Variants in PDZRN3 observed in about 807,000 individuals in gnomAD.
The protein encoded by PDZRN3 is PDZ domain containing ring finger 3.
In PDZRN3, 38 loss-of-function variants were observed where a neutral mutation model predicts 85.7. The ratio of observed to expected loss-of-function variants is 0.44; its 90% CI spans 0.34 to 0.58. The LOEUF (loss-of-function observed/expected upper bound fraction) is 0.58. Among genes scored for constraint, PDZRN3 ranks in the 20% least tolerant of loss-of-function variants. PDZRN3 has a pLI of 0.01. For synonymous variants in PDZRN3, 759 were observed against 638.0 expected, an observed-to-expected ratio of 1.19 and a Z score of -2.86; for missense variants, 1,629 against 1,506.4, an observed-to-expected ratio of 1.08 and a Z score of -1.35.
chr3:73,552,130 C>T (rs920412020), intron 3 of PDZRN3, among the ~76,000 whole-genome samples: 1 of 152,138 alleles, frequency 6.6e-6, no homozygotes, highest in Non-Finnish European at 1.5e-5. Context: ...CACTCCTTCC[C>T]ACGTCCTCGT....
At chr3:73,581,450 C>T (rs978351440) in intron 3 of PDZRN3, among the ~76,000 whole-genome samples, 1 of 152,036 alleles carries the variant, frequency 6.6e-6, no homozygotes, top group African/African-American at 2.4e-5. Flanking sequence ...TTTAAGATTT[C>T]TGATTATAAA....
At chr3:73,563,322 ACT>A (rs1352032738) in intron 3 of PDZRN3, among the ~76,000 whole-genome samples, 1 of 151,792 alleles carries the variant, frequency 6.6e-6, no homozygotes, top group African/African-American at 2.4e-5. Flanking sequence ...GGTGTGAGCC[ACT>A]GTGCCCAGCC....
intron 3 of PDZRN3, among the ~76,000 whole-genome samples, chr3:73,507,743 T>C (rs1328685011): frequency 6.6e-6 from 1 of 151,942 alleles, no homozygotes; most frequent in Non-Finnish European, 1.5e-5. Flanking sequence ...TAAAACTGCA[T>C]ACTAAAGGAA....
At chr3:73,616,557 T>C (rs779632146) in intron 1 of PDZRN3, among the ~76,000 whole-genome samples, 3 of 152,206 alleles carry the variant, frequency 2.0e-5, no homozygotes, top group East Asian at 3.8e-4. Flanking sequence ...AGACAGAGGA[T>C]AGAAATCCAG....
chr3:73,623,728 G>C (rs376635323), intron 1 of PDZRN3: 1 of 182,620 alleles, frequency 5.5e-6, no homozygotes, highest in Non-Finnish European at 1.1e-5. Context: ...GACCTCTAGA[G>C]GGTAAGCAAC....
Position 73,385,662 on chromosome 3 carries a change from G to A in PDZRN3, c.1635+7C>T, listed in dbSNP as rs777502984. On this transcript the variant is annotated splice_region_variant and intron_variant, in intron 9 of 9. Coordinates refer to ENST00000263666, the MANE Select transcript of PDZRN3 (RefSeq NM_015009.3). ...CAGAGTGTCAGGGACTGGTGCGTGG[G>A]CGTTACCTGCTGCAGCACGCTAGCT... 2 of 1,552,756 alleles carry A rather than the reference G, an allele frequency of 1.3e-6. 1 individual carries two copies. Among genetic ancestry groups the A allele is most frequent in the South Asian group, 2.2e-5 (2 of 89,874 alleles).
At chr3:73,591,460 G>C (rs917050615) in intron 3 of PDZRN3, among the ~76,000 whole-genome samples, 2 of 151,984 alleles carry the variant, frequency 1.3e-5, no homozygotes, top group Non-Finnish European at 2.9e-5. Flanking sequence ...AGATACAAAG[G>C]CTCACTAATA....
At chr3:73,551,312 C>A (rs1701549163) in intron 3 of PDZRN3, among the ~76,000 whole-genome samples, 1 of 152,142 alleles carries the variant, frequency 6.6e-6, no homozygotes, top group South Asian at 2.1e-4. Flanking sequence ...CAAGAAAAGT[C>A]AATGTAGCAA....
rs539703057 is a variant in PDZRN3, at chr3:73,518,931, TG to T, written c.918+83422del. ...ACAAATATCCAGCCCATAGCACCTA[TG>T]TAGTGAGGTTCCCTGAGGAGACAAG... On this transcript the variant is annotated intron_variant, in intron 3 of 9. Coordinates refer to ENST00000263666, the MANE Select transcript of PDZRN3 (RefSeq NM_015009.3). Among the ~76,000 whole-genome samples the T allele has an allele frequency of 1.8e-4, 27 of 152,288 alleles. 1 individual carries two copies. The East Asian group carries it at 5.0e-3, about 28-fold the overall frequency.
chr3:73,603,870 A>AACACACACACAC lies in PDZRN3; in HGVS notation c.811-1421_811-1410dup, dbSNP rs71625943. 1.8e-3 allele frequency among the ~76,000 whole-genome samples: 199 copies of AACACACACACAC among 110,430 alleles called. 1 individual carries two copies. The highest frequency in any genetic ancestry group is 6.0e-3 in the African/African-American group (195 of 32,658). 72.4% of individuals were successfully genotyped at this position (110,430 alleles called of 152,430 possible). On this transcript the variant is annotated intron_variant, in intron 2 of 9. Transcript: ENST00000263666. Reference sequence around the variant, plus strand: ...CTCCTTCCTTCTTCACACTTCCCCAAACACACACACACACATACACACACA... The same window carrying AACACACACACAC: ...CTCCTTCCTTCTTCACACTTCCCCAAACACACACACACACACACACACACACATACACACACA...
At position 73,384,662 on chromosome 3, in the gene PDZRN3, T is replaced by A; in HGVS notation, c.1904A>T (p.Tyr635Phe). 6.2e-7 allele frequency: 1 copy of A among 1,613,814 alleles called. No individual in the cohort carries two copies. Among genetic ancestry groups the A allele is most frequent in the South Asian group, 1.1e-5 (1 of 91,042 alleles). ...FISADCTDAD[Y>F]LGIPVDECER... ...GCACTCGTCCACCGGGATCCCCAGG[T>A]AGTCGGCGTCCGTGCAGTCGGCCGA... Residue 635 changes from tyrosine (Y) to phenylalanine (F), a missense_variant, in exon 10 of 10, where the codon TAC (tyrosine) becomes TTC (phenylalanine). Physicochemically the swap from Tyr to Phe is conservative, Grantham distance 22. Transcript: ENST00000263666.
At chr3:73,542,116 T>C (rs1007885235) in intron 3 of PDZRN3, among the ~76,000 whole-genome samples, 1 of 152,142 alleles carries the variant, frequency 6.6e-6, no homozygotes, top group Non-Finnish European at 1.5e-5. Flanking sequence ...TTAGGACAGG[T>C]CTTCACAGTC....
chr3:73,392,319 C>A (rs1195242351), intron 5 of PDZRN3, among the ~76,000 whole-genome samples: 1 of 152,236 alleles, frequency 6.6e-6, no homozygotes, highest in Non-Finnish European at 1.5e-5. Context: ...TTTATTTCAA[C>A]ATAATGGGAA....
chr3:73,470,053 A>T (rs1403120374), intron 3 of PDZRN3, among the ~76,000 whole-genome samples: 1 of 152,148 alleles, frequency 6.6e-6, no homozygotes, highest in African/African-American at 2.4e-5. Context: ...GACATTATTA[A>T]ATGTTCCTTG....
intron 3 of PDZRN3, among the ~76,000 whole-genome samples, chr3:73,590,268 C>CAAAAAA (rs10685167): frequency 4.1e-5 from 4 of 97,220 alleles, no homozygotes; most frequent in African/African-American, 4.4e-5. Context: ...GACTCTGTCT[C>CAAAAAA]AAAAAAAAAA....
intron 3 of PDZRN3, among the ~76,000 whole-genome samples, chr3:73,421,603 A>G (rs1702204173): frequency 6.6e-6 from 1 of 152,242 alleles, no homozygotes; most frequent in Non-Finnish European, 1.5e-5. Context: ...TGAGCAAGAT[A>G]TAAGATATCA....
chr3:73,390,274 GAAAATAACTTTAAAATTGA>G (rs1302817026), intron 6 of PDZRN3, among the ~76,000 whole-genome samples: 1 of 152,170 alleles, frequency 6.6e-6, no homozygotes, highest in Non-Finnish European at 1.5e-5. Context: ...TTAAAATTTG[GAAAATAACTTTAAAATTGA>G]AATATAATTG....
chr3:73,453,628 T>C (rs1445842846), intron 3 of PDZRN3, among the ~76,000 whole-genome samples: 2 of 151,736 alleles, frequency 1.3e-5, no homozygotes, highest in Non-Finnish European at 2.9e-5. Context: ...TAATTATATA[T>C]AATCAAGAAT....
Position 73,391,181 on chromosome 3 carries a change from T to C in PDZRN3, c.1255-65A>G, listed in dbSNP as rs553613210. The C allele has an allele frequency of 1.4e-3, 1,335 of 962,204 alleles. 22 individuals carry two copies. In the South Asian group the frequency reaches 0.017, roughly 12 times the overall value. The allele number at this position is 962,204 out of a possible 1,614,324, so 59.6% of individuals were successfully genotyped here. A position where few individuals can be genotyped will look rare whatever the true frequency, so the allele number is the denominator to read the frequency against. On this transcript the variant is annotated intron_variant, in intron 5 of 9. Coordinates refer to ENST00000263666, the MANE Select transcript of PDZRN3 (RefSeq NM_015009.3). ...CAATGCGAGTTGAGGGGATGTCAAA[T>C]GCTTTAAAAATATTATCTTCAAATG...
Sources: gnomAD v4.1 joint callset for allele counts (sites outside exome capture counted in the v4.1 genomes callset) on GRCh38, gnomAD v4.1.1 for gene constraint, MANE v1.5 for transcripts, NCBI Gene and HGNC (gene_info 2026-07-23, HGNC 2026-07-21) for gene names.